The following DAP variants were observed in gnomAD, a reference collection of about 807,000 sequenced individuals.
DAP encodes the protein death-associated protein 1.
In DAP, 8 loss-of-function variants were observed where a neutral mutation model predicts 13.8. That is an observed-to-expected ratio of 0.58 (90% CI 0.34 to 1.05). The LOEUF (loss-of-function observed/expected upper bound fraction) is 1.05. DAP is among the 50% of genes least tolerant of loss of function. The pLI is 0.03. For synonymous variants in DAP, 47 were observed against 47.5 expected (o/e 0.99, Z 0.04); for missense variants, 106 against 133.2 (o/e 0.80, Z 1.01).
chr5:10,750,996 T>C (rs1249751905), intron 1 of DAP, among the ~76,000 whole-genome samples: 1 of 152,246 alleles, frequency 6.6e-6, no homozygotes, highest in Non-Finnish European at 1.5e-5. Context: ...AAAGCAAGCC[T>C]TTGTTTACAA....
chr5:10,741,923 C>G (rs1346385556), intron 2 of DAP, among the ~76,000 whole-genome samples: 4 of 152,210 alleles, frequency 2.6e-5, no homozygotes, highest in Non-Finnish European at 5.9e-5. Flanking sequence ...GGTAAAGACA[C>G]TCTTTTCATT....
At chr5:10,725,641 T>C (rs5745210) in intron 2 of DAP, among the ~76,000 whole-genome samples, 6,368 of 152,312 alleles carry the variant, frequency 0.042, 198 homozygotes, top group South Asian at 0.081. Context: ...AATACAATCC[T>C]AGTGCTGAAA....
At chr5:10,710,431 G>A (rs1041361859) in intron 2 of DAP, among the ~76,000 whole-genome samples, 12 of 152,220 alleles carry the variant, frequency 7.9e-5, no homozygotes, top group African/African-American at 2.7e-4. Flanking sequence ...GAGGCCTCCT[G>A]GGAAACGTGT....
At chr5:10,744,611 G>T (rs976258070) in intron 2 of DAP, among the ~76,000 whole-genome samples, 3 of 152,148 alleles carry the variant, frequency 2.0e-5, no homozygotes, top group African/African-American at 7.2e-5. Context: ...GACATATCAG[G>T]GGCAAGGGCT....
Position 10,718,170 on chromosome 5 carries a change from A to C in DAP, c.152+30005T>G, listed in dbSNP as rs368566002. ...TCAGACATTTCAGGGACTACTGGAC[A>C]CTGGCTCTGAGCTGACGTTGATTCC... On this transcript the variant is annotated intron_variant, in intron 2 of 3. Coordinates refer to ENST00000230895, the MANE Select transcript of DAP (RefSeq NM_004394.3). 4.6e-5 allele frequency among the ~76,000 whole-genome samples: 7 copies of C among 152,230 alleles called. No individual in the cohort carries two copies. In the East Asian group the frequency reaches 5.8e-4, roughly 13 times the overall value.
intron 2 of DAP, among the ~76,000 whole-genome samples, chr5:10,700,409 G>A (rs1041549232): frequency 1.8e-4 from 27 of 152,326 alleles, no homozygotes; most frequent in African/African-American, 5.8e-4. Flanking sequence ...GCAAACTAAG[G>A]TTGGGGCCAA....
At chr5:10,687,182 G>T (rs919496553) in intron 2 of DAP, among the ~76,000 whole-genome samples, 1 of 152,158 alleles carries the variant, frequency 6.6e-6, no homozygotes, top group Non-Finnish European at 1.5e-5. Flanking sequence ...AAGTATTACT[G>T]CTGATTTATA....
At chr5:10,725,900 T>C (rs1347861104) in intron 2 of DAP, among the ~76,000 whole-genome samples, 2 of 152,216 alleles carry the variant, frequency 1.3e-5, no homozygotes, top group Non-Finnish European at 2.9e-5. Flanking sequence ...ACCACTTACC[T>C]TGTAGGATGT....
At position 10,679,539 on chromosome 5, in the gene DAP, G is replaced by T. The variant is rs539920236; in HGVS notation, c.*1517C>A. On this transcript the variant is annotated 3_prime_UTR_variant, in exon 4 of 4. Transcript: ENST00000230895. Reference sequence around the variant, plus strand: ...GCTGCTCCGAAAGGCAGGCTGGGAGGTGCTTGCTGGGGTGTTCCATGGCAG... The same window carrying T: ...GCTGCTCCGAAAGGCAGGCTGGGAGTTGCTTGCTGGGGTGTTCCATGGCAG... 6.6e-6 allele frequency: 1 copy of T among 152,528 alleles called. No individual in the cohort carries two copies. Among genetic ancestry groups the T allele is most frequent in the Non-Finnish European group, 1.5e-5 (1 of 68,204 alleles). 9.4% of individuals were successfully genotyped at this position (152,528 alleles called of 1,614,324 possible).
chr5:10,755,986 C>A (rs937013138), intron 1 of DAP, among the ~76,000 whole-genome samples: 4 of 152,172 alleles, frequency 2.6e-5, no homozygotes, highest in African/African-American at 7.2e-5. Flanking sequence ...TGTGTCTACA[C>A]AAAATACACA....
intron 2 of DAP, among the ~76,000 whole-genome samples, chr5:10,734,447 G>C (rs1365842261): frequency 6.6e-6 from 1 of 152,198 alleles, no homozygotes; most frequent in East Asian, 1.9e-4. Context: ...CCAAATCTAA[G>C]GAGTTCAGCC....
At chr5:10,712,397 G>A (rs1377051719) in intron 2 of DAP, among the ~76,000 whole-genome samples, 1 of 152,112 alleles carries the variant, frequency 6.6e-6, no homozygotes, top group Non-Finnish European at 1.5e-5. Flanking sequence ...TGTGGGCTGG[G>A]GTCATAAGGT....
intron 2 of DAP, among the ~76,000 whole-genome samples, chr5:10,712,545 T>C (rs1738880056): frequency 6.6e-6 from 1 of 151,816 alleles, no homozygotes; most frequent in East Asian, 1.9e-4. Flanking sequence ...TTCTGCCGAG[T>C]AGATTCTGGC....
chr5:10,725,467 G>A (rs538759327), intron 2 of DAP, among the ~76,000 whole-genome samples: 16 of 152,314 alleles, frequency 1.1e-4, no homozygotes, highest in Non-Finnish European at 2.2e-4. Context: ...TGACCTTCAG[G>A]TGGAGGCAGG....
At chr5:10,741,741 C>T (rs1739761874) in intron 2 of DAP, among the ~76,000 whole-genome samples, 3 of 152,208 alleles carry the variant, frequency 2.0e-5, no homozygotes, top group Non-Finnish European at 1.5e-5. Flanking sequence ...ACCCCAAAAT[C>T]AAACACACGT....
intron 2 of DAP, among the ~76,000 whole-genome samples, chr5:10,730,009 G>A (rs1412621912): frequency 1.3e-5 from 2 of 152,226 alleles, no homozygotes; most frequent in East Asian, 1.9e-4. Context: ...TGGTGGTTAC[G>A]AAAATTCAAT....
chr5:10,759,349 C>T (rs1447921322), intron 1 of DAP, among the ~76,000 whole-genome samples: 1 of 152,014 alleles, frequency 6.6e-6, no homozygotes, highest in Non-Finnish European at 1.5e-5. Flanking sequence ...CAGCCCTGCC[C>T]GGGGTGGAAA....
intron 3 of DAP, among the ~76,000 whole-genome samples, chr5:10,682,278 G>A (rs1371727237): frequency 6.6e-6 from 1 of 150,770 alleles, no homozygotes; most frequent in East Asian, 2.0e-4. Context: ...GAAGCATGGG[G>A]TTTGTATGTG....
At chr5:10,685,596 C>A (rs1436501406) in intron 2 of DAP, among the ~76,000 whole-genome samples, 2 of 152,212 alleles carry the variant, frequency 1.3e-5, no homozygotes, top group African/African-American at 4.8e-5. Context: ...CTAGGAACAG[C>A]CTGAAGCAGG....
Sources: allele counts gnomAD v4.1 joint callset (sites outside exome capture counted in the v4.1 genomes callset), GRCh38; gene constraint gnomAD v4.1.1; transcripts MANE v1.5; gene names NCBI Gene and HGNC (gene_info 2026-07-23, HGNC 2026-07-21).